The following TUBGCP3 variants were observed in gnomAD, a reference collection of about 807,000 sequenced individuals.
The protein encoded by TUBGCP3 is tubulin gamma complex component 3.
A neutral mutation model predicts 123.1 loss-of-function variants in TUBGCP3; 50 were observed. That is an observed-to-expected ratio of 0.41 (90% CI 0.32 to 0.51). The LOEUF (loss-of-function observed/expected upper bound fraction) is 0.51, where lower values mean the gene tolerates loss of function less well. Ranked by LOEUF, TUBGCP3 falls within the 20% of genes least tolerant of loss-of-function variation. TUBGCP3 has a pLI of 0.36. For synonymous variants in TUBGCP3, 405 were observed against 413.9 expected (o/e 0.98, Z 0.26); for missense variants, 882 against 1,127.0 (o/e 0.78, Z 3.11).
intron 1 of TUBGCP3, among the ~76,000 whole-genome samples, chr13:112,576,735 T>A (rs1055971272): frequency 6.6e-6 from 1 of 151,160 alleles, no homozygotes; most frequent in Non-Finnish European, 1.5e-5. Flanking sequence ...ACACAACATA[T>A]CAAAATATGT....
At chr13:112,564,429 G>A (rs542035498) in intron 3 of TUBGCP3, among the ~76,000 whole-genome samples, 9 of 152,338 alleles carry the variant, frequency 5.9e-5, no homozygotes, top group South Asian at 2.1e-4. Flanking sequence ...GAAAGAAAGC[G>A]GGATGAACTA....
At chr13:112,565,869 A>G (rs1385293490) in intron 2 of TUBGCP3, among the ~76,000 whole-genome samples, 1 of 151,486 alleles carries the variant, frequency 6.6e-6, no homozygotes, top group African/African-American at 2.4e-5. Flanking sequence ...CAGGAGGCAG[A>G]GCTTGCAGTG....
intron 11 of TUBGCP3, among the ~76,000 whole-genome samples, chr13:112,530,123 T>C (rs1474097218): frequency 6.6e-5 from 10 of 152,234 alleles, no homozygotes; most frequent in Non-Finnish European, 1.0e-4. Context: ...CCTCAGTTGA[T>C]TTCATGAAAC....
intron 8 of TUBGCP3, among the ~76,000 whole-genome samples, chr13:112,548,480 C>T (rs1879258619): frequency 6.6e-6 from 1 of 151,982 alleles, no homozygotes. Context: ...AGATGATATC[C>T]CCTGTAGATC....
chr13:112,561,685 A>G (rs1293002700), intron 3 of TUBGCP3, among the ~76,000 whole-genome samples: 2 of 152,204 alleles, frequency 1.3e-5, no homozygotes, highest in Non-Finnish European at 2.9e-5. Flanking sequence ...AGCTCAGAGG[A>G]TGCCAAGTTG....
At chr13:112,587,784 C>T (rs1882723745) in intron 1 of TUBGCP3, 121 bp downstream of exon 1, 2 of 901,592 alleles carry the variant, frequency 2.2e-6, no homozygotes, top group Admixed American at 3.5e-5. Context: ...CGGCCCGTCC[C>T]CCAGCCCTCT....
intron 1 of TUBGCP3, among the ~76,000 whole-genome samples, chr13:112,578,126 G>A (rs926096864): frequency 6.6e-6 from 1 of 152,122 alleles, no homozygotes; most frequent in African/African-American, 2.4e-5. Context: ...AGGCTACCCT[G>A]ACGCACCATA....
At chr13:112,527,790 C>A (rs954514360) in intron 11 of TUBGCP3, among the ~76,000 whole-genome samples, 2 of 152,254 alleles carry the variant, frequency 1.3e-5, no homozygotes, top group African/African-American at 4.8e-5. Context: ...AGCTCTTCCT[C>A]AGTAACGGTG....
intron 4 of TUBGCP3, among the ~76,000 whole-genome samples, chr13:112,558,918 C>T (rs1042793571): frequency 1.3e-5 from 2 of 152,190 alleles, no homozygotes; most frequent in Non-Finnish European, 2.9e-5. Flanking sequence ...AGGGGACAGA[C>T]ACTGAGCCCG....
chr13:112,491,966 C>G (rs1880130156), intron 20 of TUBGCP3, among the ~76,000 whole-genome samples: 1 of 152,200 alleles, frequency 6.6e-6, no homozygotes, highest in Non-Finnish European at 1.5e-5. Context: ...GCTCTTAGTT[C>G]TGTCTTCATA....
At chr13:112,550,963 G>A (rs1421411120) in intron 8 of TUBGCP3, among the ~76,000 whole-genome samples, 1 of 152,162 alleles carries the variant, frequency 6.6e-6, no homozygotes, top group African/African-American at 2.4e-5. Context: ...GCCGGGCGTG[G>A]TGGTGGGTGC....
intron 11 of TUBGCP3, among the ~76,000 whole-genome samples, chr13:112,539,144 C>T (rs376643569): frequency 6.6e-5 from 10 of 152,306 alleles, no homozygotes; most frequent in East Asian, 3.9e-4. Context: ...GCAGCAGATA[C>T]GCTATACACT....
intron 20 of TUBGCP3, among the ~76,000 whole-genome samples, chr13:112,496,859 A>G (rs1384250124): frequency 6.6e-6 from 1 of 151,990 alleles, no homozygotes; most frequent in African/African-American, 2.4e-5. Context: ...GGTGGCAGGC[A>G]CCTGTAGTCC....
At chr13:112,567,165 C>A (rs1406471276) in intron 2 of TUBGCP3, among the ~76,000 whole-genome samples, 1 of 152,218 alleles carries the variant, frequency 6.6e-6, no homozygotes. Flanking sequence ...CCCAGAGGCA[C>A]CTGAGTCAGT....
intron 11 of TUBGCP3, among the ~76,000 whole-genome samples, chr13:112,542,085 A>G (rs1259515047): frequency 2.0e-5 from 3 of 152,144 alleles, no homozygotes; most frequent in African/African-American, 4.8e-5. Flanking sequence ...TGGTCAAAGT[A>G]TTTCTCATAA....
Position 112,486,136 on chromosome 13 carries a change from A to G in TUBGCP3, c.2581T>C (p.Phe861Leu). 6.2e-7 allele frequency: 1 copy of G among 1,608,612 alleles called. No homozygotes were observed. Among genetic ancestry groups the G allele is most frequent in the Non-Finnish European group, 8.5e-7 (1 of 1,177,630 alleles). ...GAGCTGGTCGTCAGTAACACCAAAA[A>G]CTGCTGCACGATACCCTAAAAAGAA... ...THFYQGIVQQ[F>L]LVLLTTSSDE... Residue 861 changes from phenylalanine to leucine, a missense_variant, in exon 22 of 22, where the codon TTT (phenylalanine) becomes CTT (leucine). Phe to Leu is a conservative substitution (Grantham distance 22, BLOSUM62 0). This residue lies in a region of TUBGCP3 where 160 missense variants were observed against 220.3 expected (regional missense o/e 0.73). Transcript: ENST00000261965.
chr13:112,596,451 G>C, the TUBGCP3 span, among the ~76,000 whole-genome samples: 1 of 152,166 alleles, frequency 6.6e-6, no homozygotes, highest in Non-Finnish European at 1.5e-5. Flanking sequence ...GGTTTGTAGT[G>C]AGAACTTTTC....
intron 10 of TUBGCP3, 72 bp downstream of exon 10, chr13:112,547,535 TGCATGGGAAAGTC>T (rs776585849): frequency 8.6e-7 from 1 of 1,162,212 alleles, no homozygotes; most frequent in African/African-American, 3.4e-5. Context: ...GGGAAAGACG[TGCATGGGAAAGTC>T]GCGCGTGGGA....
At position 112,485,883 on chromosome 13, in the gene TUBGCP3, C is replaced by T. The variant is rs935901468; in HGVS notation, c.*110G>A. 12 of 911,848 alleles carry T rather than the reference C, an allele frequency of 1.3e-5. No homozygotes were observed. The Admixed American group carries it at 1.8e-4, about 13-fold the overall frequency. The allele number at this position is 911,848 out of a possible 1,614,324, so 56.5% of individuals were successfully genotyped here. ...CGCTGAAACATGGCGCACTCGTGGGCGGAAGGGCAGGACACCTGCAGCATG... is the reference window on the plus strand; with the variant it reads ...CGCTGAAACATGGCGCACTCGTGGGTGGAAGGGCAGGACACCTGCAGCATG... On this transcript the variant is annotated 3_prime_UTR_variant, in exon 22 of 22. Transcript: ENST00000261965.
Sources: gnomAD v4.1 joint callset for allele counts (sites outside exome capture counted in the v4.1 genomes callset) on GRCh38, gnomAD v4.1.1 for gene constraint, gnomAD v4.1.1 regional missense constraint, MANE v1.5 for transcripts, NCBI Gene and HGNC (gene_info 2026-07-23, HGNC 2026-07-21) for gene names.